Variants in LAMB2 observed in about 807,000 individuals in gnomAD.
LAMB2 encodes the protein laminin subunit beta-2.
LAMB2 carries 119 observed loss-of-function variants against 202.7 expected under a neutral mutation model. The observed-to-expected ratio is 0.59, with a 90% CI of 0.51 to 0.68. The LOEUF is 0.68. Among genes scored for constraint, LAMB2 ranks in the 30% least tolerant of loss-of-function variants. LAMB2 has a pLI of 0.00. For synonymous variants in LAMB2, 818 were observed against 902.2 expected, an observed-to-expected ratio of 0.91 and a Z score of 1.67; for missense variants, 2,124 against 2,410.6, an observed-to-expected ratio of 0.88 and a Z score of 2.49.
Position 49,125,896 on chromosome 3 carries a change from G to A in LAMB2, c.2345-6C>T, listed in dbSNP as rs368080107. ...TTGAGGGTTGCACTGACATGCTGTGGGGAGGAGGGTTGGGCCAAGTCAGGC... is the reference window on the plus strand; with the variant it reads ...TTGAGGGTTGCACTGACATGCTGTGAGGAGGAGGGTTGGGCCAAGTCAGGC... On this transcript the variant is annotated splice_polypyrimidine_tract_variant and splice_region_variant and intron_variant, in intron 17 of 31. Coordinates refer to ENST00000305544, the MANE Select transcript of LAMB2 (RefSeq NM_002292.4). The A allele has an allele frequency of 6.2e-7, 1 of 1,614,108 alleles. No individual in the cohort carries two copies.
chr3:49,127,968 C>T (rs1336953085), intron 15 of LAMB2, among the ~76,000 whole-genome samples: 1 of 135,156 alleles, frequency 7.4e-6, no homozygotes, highest in Non-Finnish European at 1.5e-5. Context: ...TACAGTGAGC[C>T]GAGATCGCAC....
At chr3:49,122,597 C>T in intron 27 of LAMB2, 107 bp downstream of exon 27, 1 of 1,055,812 alleles carries the variant, frequency 9.5e-7, no homozygotes, top group South Asian at 1.3e-5. Context: ...ATCATAAACA[C>T]TAATCCAGTG....
In LAMB2 at chr3:49,129,119, G is replaced by C. The variant is rs763833312; in HGVS notation, c.1632C>G (p.Arg544=). Residue 544 remains arginine, a synonymous_variant, in exon 13 of 32, where the codon CGC becomes CGG. Coordinates refer to ENST00000305544, the MANE Select transcript of LAMB2 (RefSeq NM_002292.4). This position sits in a 1 kb window ranked among gnomAD's most constrained non-coding sequence, Gnocchi z 6.1. Reference sequence around the variant, plus strand: ...CACAGCGTCGCCCAACCATGTGCTGGCGGCAGTGGCATTGACCTGTGCCCT... The same window carrying C: ...CACAGCGTCGCCCAACCATGTGCTGCCGGCAGTGGCATTGACCTGTGCCCT... ...CDEGTGQCHC[R]QHMVGRRCEQ... is the part of the protein sequence containing the mutation. 1 of 1,614,048 alleles carries C rather than the reference G, an allele frequency of 6.2e-7. No individual in the cohort carries two copies. The highest frequency in any genetic ancestry group is 1.1e-5 in the South Asian group (1 of 91,086).
In LAMB2 at chr3:49,124,529, A is replaced by G. The variant is rs2045389434; in HGVS notation, c.3193T>C (p.Cys1065Arg). 6.2e-7 allele frequency: 1 copy of G among 1,613,680 alleles called. No individual in the cohort carries two copies. Among genetic ancestry groups the G allele is most frequent in the Non-Finnish European group, 8.5e-7 (1 of 1,180,014 alleles). ...CCCTGGACATTGGGGAGGCATGGGC[A>G]CTGCCCACTGCTTGGATCACAGTGG... ...QCHCDPSSGQ[C>R]PCLPNVQGPS... Residue 1065 changes from cysteine (C) to arginine (R), a missense_variant, in exon 22 of 32, where the codon TGC becomes CGC. Around this residue, in one of 3 missense-constraint regions of LAMB2, gnomAD observed 1,702 missense variants for 1,896.3 expected, o/e 0.90. Coordinates refer to ENST00000305544, the MANE Select transcript of LAMB2 (RefSeq NM_002292.4).
At position 49,130,424 on chromosome 3, in the gene LAMB2, CA is replaced by C; in HGVS notation, c.1037-6del. 1.9e-6 allele frequency: 3 copies of C among 1,613,940 alleles called. No individual in the cohort carries two copies. The highest frequency in any genetic ancestry group is 2.5e-6 in the Non-Finnish European group (3 of 1,180,038). Reference sequence around the variant, plus strand: ...TGTGCCCATGGCACTCACACTCTGGCAGGGGAGGAAGGGCAGGGCAAAGGCC... The same window carrying C: ...TGTGCCCATGGCACTCACACTCTGGCGGGGAGGAAGGGCAGGGCAAAGGCC... On this transcript the variant is annotated splice_region_variant and splice_polypyrimidine_tract_variant and intron_variant, in intron 8 of 31. Transcript: ENST00000305544. The surrounding 1 kb of genome is among the most constrained non-coding windows in gnomAD (Gnocchi z 5.0).
At position 49,129,863 on chromosome 3, in the gene LAMB2, T is replaced by G. The variant is rs777007393; in HGVS notation, c.1381A>C (p.Ile461Leu). ...CGCCGGCAGCCCAGACGGTCACTGATGCTGAGCCCAAAGAAGCCATCACGG... is the reference window on the plus strand; with the variant it reads ...CGCCGGCAGCCCAGACGGTCACTGAGGCTGAGCCCAAAGAAGCCATCACGG... ...QCRDGFFGLS[I>L]SDRLGCRRCQ... Residue 461 changes from isoleucine to leucine, a missense_variant, in exon 10 of 32, where the codon ATC (isoleucine) becomes CTC (leucine). Coordinates refer to ENST00000305544, the MANE Select transcript of LAMB2 (RefSeq NM_002292.4). This position sits in a 1 kb window ranked among gnomAD's most constrained non-coding sequence, Gnocchi z 6.1. The G allele has an allele frequency of 6.2e-7, 1 of 1,613,898 alleles. No individual in the cohort carries two copies. Among genetic ancestry groups the G allele is most frequent in the Non-Finnish European group, 8.5e-7 (1 of 1,180,034 alleles).
Position 49,126,363 on chromosome 3 carries a change from A to G in LAMB2, c.2151+2T>C. The G allele has an allele frequency of 9.3e-6, 15 of 1,614,048 alleles. No homozygotes were observed. The highest frequency in any genetic ancestry group is 1.3e-5 in the Non-Finnish European group (15 of 1,180,008). The stretch of plus-strand genomic sequence containing the variant: ...TGGTGTGGGCAAGAGGAGATTATTC[A>G]CCGAGTCAATGAGCAGGCCAGGTCC... On this transcript the variant is annotated splice_donor_variant, in intron 16 of 31. Coordinates refer to ENST00000305544, the MANE Select transcript of LAMB2 (RefSeq NM_002292.4). LOFTEE classifies it high-confidence loss of function.
In LAMB2 at chr3:49,124,866, G is replaced by A. The variant is rs530751136; in HGVS notation, c.2944C>T (p.Arg982Trp). The change falls in exon 21 of 32, where the codon CGG becomes TGG. Residue 982 changes from arginine to tryptophan, a missense_variant. Arg to Trp is a moderately radical substitution (Grantham distance 101, BLOSUM62 -3). Transcript: ENST00000305544. Reference sequence around the variant, plus strand: ...CCACTGCACTCACACAGTTGGCACCGGCCACCTGGCCTTGATGGGTCCCCA... The same window carrying A: ...CCACTGCACTCACACAGTTGGCACCAGCCACCTGGCCTTGATGGGTCCCCA... ...HFGDPSRPGGRCQLCECSGNI... is the reference protein window; with the variant it reads ...HFGDPSRPGGWCQLCECSGNI... 16 of 1,614,062 alleles carry A rather than the reference G, an allele frequency of 9.9e-6. No individual in the cohort carries two copies. Among genetic ancestry groups the A allele is most frequent in the East Asian group, 4.5e-5 (2 of 44,872 alleles).
At chr3:49,125,523 G>T (rs1401309878) in intron 18 of LAMB2, 39 bp from the exon 19 acceptor site, 1 of 1,524,532 alleles carries the variant, frequency 6.6e-7, no homozygotes, top group Non-Finnish European at 8.9e-7. Flanking sequence ...CCAGGGGAGG[G>T]GGTCTGAGGG....
In LAMB2 at chr3:49,123,632, C is replaced by G. The variant is rs1131690793; in HGVS notation, c.3798-1G>C. 1 of 1,614,004 alleles carries G rather than the reference C, an allele frequency of 6.2e-7. No homozygotes were observed. Among genetic ancestry groups the G allele is most frequent in the Non-Finnish European group, 8.5e-7 (1 of 1,180,050 alleles). On this transcript the variant is annotated splice_acceptor_variant, in intron 24 of 31. Transcript: ENST00000305544. LOFTEE classifies it high-confidence loss of function. ...CTCAGTGGCCTCCCCAATTTCACGC[C>G]TGCAATGATGGAGAGGGGGGTGTTT...
At position 49,124,242 on chromosome 3, in the gene LAMB2, A is replaced by G; in HGVS notation, c.3372T>C (p.Thr1124=). The G allele has an allele frequency of 6.2e-7, 1 of 1,613,962 alleles. No homozygotes were observed. Among genetic ancestry groups the G allele is most frequent in the Non-Finnish European group, 8.5e-7 (1 of 1,179,944 alleles). ...CHCRAGFGGR[T]CSECQELHWG... is the part of the protein sequence containing the mutation. ...AGTGGAGCTCTTGGCACTCAGAACA[A>G]GTCCGCCCTCCAAAGCCGGCACGGC... is the stretch of plus-strand genomic sequence containing the variant. Residue 1124 remains threonine, a synonymous_variant, in exon 23 of 32, where the codon ACT becomes ACC. Coordinates refer to ENST00000305544, the MANE Select transcript of LAMB2 (RefSeq NM_002292.4).
rs1328246789 is a variant in LAMB2, at chr3:49,130,877, G to A, written c.916-17C>T. On this transcript the variant is annotated splice_polypyrimidine_tract_variant and intron_variant, in intron 7 of 31. Transcript: ENST00000305544. This position sits in a 1 kb window ranked among gnomAD's most constrained non-coding sequence, Gnocchi z 5.0. Reference sequence around the variant, plus strand: ...TCCGTGCACCTATAGAGGTTGGCAGGTAGGTTGTCAGCACTGCTCAGCCAT... The same window carrying A: ...TCCGTGCACCTATAGAGGTTGGCAGATAGGTTGTCAGCACTGCTCAGCCAT... 9 of 1,614,166 alleles carry A rather than the reference G, an allele frequency of 5.6e-6. No individual in the cohort carries two copies. In the South Asian group the frequency reaches 7.7e-5, roughly 14 times the overall value.
chr3:49,131,044 A>G lies in LAMB2; in HGVS notation c.821T>C (p.Leu274Pro). 6.2e-7 allele frequency: 1 copy of G among 1,613,910 alleles called. No individual in the cohort carries two copies. Among genetic ancestry groups the G allele is most frequent in the East Asian group, 2.2e-5 (1 of 44,890 alleles). The part of the protein sequence containing the change: ...REIREKYYYA[L>P]YELVVRGNCF... ...GTTGCCACGTACAACCAGCTCATAGAGGGCATAGTAGTACTTCTCTCGGAT... is the reference window on the plus strand; with the variant it reads ...GTTGCCACGTACAACCAGCTCATAGGGGGCATAGTAGTACTTCTCTCGGAT... Residue 274 changes from leucine to proline, a missense_variant, in exon 7 of 32, where the codon CTC becomes CCC. This residue lies in a region of LAMB2 where 256 missense variants were observed against 356.1 expected (regional missense o/e 0.72). Coordinates refer to ENST00000305544, the MANE Select transcript of LAMB2 (RefSeq NM_002292.4). This position sits in a 1 kb window ranked among gnomAD's most constrained non-coding sequence, Gnocchi z 5.0.
chr3:49,131,291 C>T lies in LAMB2; in HGVS notation c.712+88G>A, dbSNP rs138285969. ...AGCTAAACTGGGCTTGGCACCTGCC[C>T]TAGGAAGCACCCAAAATAGTTACTG... On this transcript the variant is annotated intron_variant, in intron 6 of 31. Coordinates refer to ENST00000305544, the MANE Select transcript of LAMB2 (RefSeq NM_002292.4). The surrounding 1 kb of genome is among the most constrained non-coding windows in gnomAD (Gnocchi z 5.0). 0.013 allele frequency: 20,508 copies of T among 1,520,730 alleles called. 340 individuals carry two copies. Among genetic ancestry groups the T allele is most frequent in the Middle Eastern group, 0.048 (264 of 5,508 alleles). The allele number at this position is 1,520,730 out of a possible 1,614,324, so 94.2% of individuals were successfully genotyped here. A position where few individuals can be genotyped will look rare whatever the true frequency, so the allele number is the denominator to read the frequency against.
chr3:49,126,105 C>G lies in LAMB2; in HGVS notation c.2206G>C (p.Ala736Pro). The change falls in exon 17 of 32, where the codon GCT (alanine) becomes CCT (proline). Residue 736 changes from alanine (A) to proline (P), a missense_variant. Coordinates refer to ENST00000305544, the MANE Select transcript of LAMB2 (RefSeq NM_002292.4). ...VLEMFSGGDA[A>P]ALERQATFER... ...AAGGTGGCCTGGCGCTCCAGGGCAG[C>G]AGCATCACCCCCACTAAACATCTCT... 1 of 1,613,798 alleles carries G rather than the reference C, an allele frequency of 6.2e-7. No homozygotes were observed. The highest frequency in any genetic ancestry group is 8.5e-7 in the Non-Finnish European group (1 of 1,180,018).
Position 49,129,540 on chromosome 3 carries a change from C to A in LAMB2, c.1518+64G>T. On this transcript the variant is annotated intron_variant, in intron 11 of 31. Transcript: ENST00000305544. This position sits in a 1 kb window ranked among gnomAD's most constrained non-coding sequence, Gnocchi z 6.1. ...CACCCACCCACTGGCATAGATGTGACACCCCAGCCCTGTGCTCTAAGGACA... is the reference window on the plus strand; with the variant it reads ...CACCCACCCACTGGCATAGATGTGAAACCCCAGCCCTGTGCTCTAAGGACA... The A allele has an allele frequency of 1.5e-6, 2 of 1,363,996 alleles. No homozygotes were observed. The highest frequency in any genetic ancestry group is 2.1e-6 in the Non-Finnish European group (2 of 958,440). The allele number at this position is 1,363,996 out of a possible 1,614,324, so 84.5% of individuals were successfully genotyped here. A position where few individuals can be genotyped will look rare whatever the true frequency, so the allele number is the denominator to read the frequency against.
Position 49,129,397 on chromosome 3 carries a change from C to T in LAMB2, c.1519-73G>A, listed in dbSNP as rs537538471. The T allele has an allele frequency of 7.3e-7, 1 of 1,369,032 alleles. No individual in the cohort carries two copies. Among genetic ancestry groups the T allele is most frequent in the South Asian group, 1.2e-5 (1 of 82,614 alleles). 84.8% of individuals were successfully genotyped at this position (1,369,032 alleles called of 1,614,324 possible). A position where few individuals can be genotyped will look rare whatever the true frequency, so the allele number is the denominator to read the frequency against. On this transcript the variant is annotated intron_variant, in intron 11 of 31. Coordinates refer to ENST00000305544, the MANE Select transcript of LAMB2 (RefSeq NM_002292.4). The surrounding 1 kb of genome is among the most constrained non-coding windows in gnomAD (Gnocchi z 6.1). ...ATCACCACCCAGCAGGAAATCCCAACCACACGTCTTAGCCTCAATCACCCC... is the reference window on the plus strand; with the variant it reads ...ATCACCACCCAGCAGGAAATCCCAATCACACGTCTTAGCCTCAATCACCCC...
In LAMB2 at chr3:49,128,831, T is replaced by G; in HGVS notation, c.1732-12A>C. On this transcript the variant is annotated splice_polypyrimidine_tract_variant and intron_variant, in intron 13 of 31. Transcript: ENST00000305544. The stretch of plus-strand genomic sequence containing the variant: ...ACCACATCGAGCACCTGGGAGATAA[T>G]GCAGCCAGGGATGGAGGCTCAGGTG... 1 of 1,610,892 alleles carries G rather than the reference T, an allele frequency of 6.2e-7. No individual in the cohort carries two copies. The highest frequency in any genetic ancestry group is 8.5e-7 in the Non-Finnish European group (1 of 1,177,846).
In LAMB2 at chr3:49,133,030, T is replaced by G. The variant is rs780962454; in HGVS notation, c.-163A>C. On this transcript the variant is annotated 5_prime_UTR_variant, in exon 1 of 32. Coordinates refer to ENST00000305544, the MANE Select transcript of LAMB2 (RefSeq NM_002292.4). ...CTGTCCAGCGGTCCCTCCGACAGCT[T>G]AGAGTCCAGCGACTTTGAGCAAAGT... 17 of 647,364 alleles carry G rather than the reference T, an allele frequency of 2.6e-5. No homozygotes were observed. The highest frequency in any genetic ancestry group is 4.7e-5 in the Non-Finnish European group (17 of 363,644). 40.1% of individuals were successfully genotyped at this position (647,364 alleles called of 1,614,324 possible).
Sources: gnomAD v4.1 joint callset for allele counts (sites outside exome capture counted in the v4.1 genomes callset) on GRCh38, gnomAD v4.1.1 for gene constraint, gnomAD v4.1.1 regional missense constraint, Gnocchi (gnomAD v3.1) non-coding constraint, MANE v1.5 for transcripts, NCBI Gene and HGNC (gene_info 2026-07-23, HGNC 2026-07-21) for gene names.